RIMS1: variants seen among roughly 807,000 people sequenced by gnomAD.
RIMS1 encodes the protein regulating synaptic membrane exocytosis 1, also known as regulating synaptic membrane exocytosis protein 1.
RIMS1 carries 83 observed loss-of-function variants against 214.1 expected under a neutral mutation model. The observed-to-expected ratio is 0.39, with a 90% CI of 0.32 to 0.47. The LOEUF is 0.47. RIMS1 is among the 20% of genes least tolerant of loss of function. The probability of loss-of-function intolerance (pLI) is 0.99; values close to 1 mark genes in which losing one functional copy is unlikely to be tolerated. For synonymous variants in RIMS1, 793 were observed against 786.8 expected, an observed-to-expected ratio of 1.01 and a Z score of -0.13; for missense variants, 2,050 against 2,161.8, an observed-to-expected ratio of 0.95 and a Z score of 1.03.
intron 29 of RIMS1, among the ~76,000 whole-genome samples, chr6:72,374,801 A>G (rs576550047): frequency 6.6e-6 from 1 of 152,334 alleles, no homozygotes; most frequent in East Asian, 1.9e-4. Context: ...ATATAATGAA[A>G]TAATTATACA....
chr6:72,254,459 A>T (rs1018383721), intron 16 of RIMS1, among the ~76,000 whole-genome samples: 1 of 152,176 alleles, frequency 6.6e-6, no homozygotes. Context: ...TTCATTTGGG[A>T]TATTCAAATA....
intron 1 of RIMS1, among the ~76,000 whole-genome samples, chr6:71,905,640 T>A (rs952377285): frequency 6.6e-6 from 1 of 152,240 alleles, no homozygotes; most frequent in East Asian, 1.9e-4. Flanking sequence ...TTAAAAAAAA[T>A]TAACTTGTTG....
chr6:72,250,426 C>A lies in RIMS1; in HGVS notation c.2338C>A (p.Pro780Thr). 1.2e-6 allele frequency: 2 copies of A among 1,601,962 alleles called. No homozygotes were observed. Among genetic ancestry groups the A allele is most frequent in the Non-Finnish European group, 1.7e-6 (2 of 1,172,054 alleles). Reference protein sequence around the residue: ...PARVDGRPRNPYVKMYFLPDR... With the variant: ...PARVDGRPRNTYVKMYFLPDR... ...TAGAGTAGATGGACGTCCTCGAAATCCCTATGTAAAAATGTATTTTCTTCC... is the reference window on the plus strand; with the variant it reads ...TAGAGTAGATGGACGTCCTCGAAATACCTATGTAAAAATGTATTTTCTTCC... The change falls in exon 13 of 34, where the codon CCC (proline) becomes ACC (threonine). Residue 780 changes from proline to threonine, a missense_variant. Around this residue, in one of 6 missense-constraint regions of RIMS1, gnomAD observed 889 missense variants for 885.5 expected, o/e 1.00. Coordinates refer to ENST00000521978, the MANE Select transcript of RIMS1 (RefSeq NM_014989.7).
chr6:72,229,967 TA>T (rs1057381495), intron 6 of RIMS1, among the ~76,000 whole-genome samples: 2 of 151,780 alleles, frequency 1.3e-5, no homozygotes, highest in African/African-American at 4.8e-5. Context: ...ATGCAGTGCA[TA>T]AAAACATTCA....
intron 28 of RIMS1, among the ~76,000 whole-genome samples, chr6:72,320,200 A>G (rs1447217758): frequency 2.0e-5 from 3 of 152,150 alleles, no homozygotes. Flanking sequence ...ATGCCCATGG[A>G]CTGTTGGTGT....
chr6:72,221,003 A>G (rs749424445), intron 6 of RIMS1, among the ~76,000 whole-genome samples: 1 of 152,114 alleles, frequency 6.6e-6, no homozygotes, highest in Non-Finnish European at 1.5e-5. Context: ...TAAAACATCT[A>G]TTTAATCTGA....
chr6:72,292,648 A>G (rs1192794940), intron 26 of RIMS1, among the ~76,000 whole-genome samples: 8 of 152,234 alleles, frequency 5.3e-5, no homozygotes, highest in South Asian at 2.1e-4. Flanking sequence ...TAGAAACTAA[A>G]TTTTCTAAAC....
chr6:72,226,327 A>T (rs1329767093), intron 6 of RIMS1, among the ~76,000 whole-genome samples: 1 of 152,100 alleles, frequency 6.6e-6, no homozygotes, highest in Admixed American at 6.6e-5. Flanking sequence ...ATATAAATGT[A>T]CATAACTTTT....
At chr6:72,023,919 A>T (rs950535765) in intron 2 of RIMS1, among the ~76,000 whole-genome samples, 2 of 152,184 alleles carry the variant, frequency 1.3e-5, no homozygotes, top group Admixed American at 6.5e-5. Flanking sequence ...CAGACACTAT[A>T]CTGAAAATTT....
chr6:72,066,625 A>C (rs1025134820), intron 2 of RIMS1, among the ~76,000 whole-genome samples: 8 of 152,218 alleles, frequency 5.3e-5, no homozygotes, highest in Non-Finnish European at 1.2e-4. Context: ...AAACTGAGAT[A>C]ATAATAGTTT....
intron 9 of RIMS1, among the ~76,000 whole-genome samples, chr6:72,240,635 T>A (rs1352903321): frequency 6.8e-6 from 1 of 146,054 alleles, no homozygotes; most frequent in East Asian, 2.0e-4. Context: ...TTTTTCTTTT[T>A]TTTTTTTTTT....
rs71731452 is a variant in RIMS1 at position 71,951,478 on chromosome 6, CT to C, written c.165-17490del. The stretch of plus-strand genomic sequence containing the variant: ...GACCATTTTTTCCACTTTTCTTTTT[CT>C]TTTTTTTTTTTTTTGTGTGTGTGTG... On this transcript the variant is annotated intron_variant, in intron 1 of 33. Transcript: ENST00000521978. Among the ~76,000 whole-genome samples, 144 of 128,828 alleles carry C rather than the reference CT, an allele frequency of 1.1e-3. 1 individual carries two copies. Among genetic ancestry groups the C allele is most frequent in the Middle Eastern group, 3.9e-3 (1 of 254 alleles). The allele number at this position is 128,828 out of a possible 152,430, so 84.5% of individuals were successfully genotyped here.
chr6:72,249,889 A>G (rs940131243), intron 12 of RIMS1, among the ~76,000 whole-genome samples: 1 of 152,132 alleles, frequency 6.6e-6, no homozygotes. Context: ...TCTTATTCCT[A>G]ATATCCAAAC....
intron 4 of RIMS1, among the ~76,000 whole-genome samples, chr6:72,137,000 A>G (rs902945751): frequency 6.6e-6 from 1 of 152,072 alleles, no homozygotes. Flanking sequence ...TTTAGTTAAT[A>G]TAATAAGGCA....
intron 28 of RIMS1, among the ~76,000 whole-genome samples, chr6:72,315,383 T>G (rs1194447492): frequency 6.6e-6 from 1 of 152,224 alleles, no homozygotes; most frequent in Admixed American, 6.5e-5. Flanking sequence ...CTTTCCCTTC[T>G]TTGTAGTTTA....
At chr6:72,341,943 G>T (rs953898705) in intron 29 of RIMS1, among the ~76,000 whole-genome samples, 3 of 151,732 alleles carry the variant, frequency 2.0e-5, no homozygotes, top group African/African-American at 7.3e-5. Flanking sequence ...GGAAAATATT[G>T]CAGGACTCTT....
At position 72,390,749 on chromosome 6, in the gene RIMS1, A is replaced by C; in HGVS notation, c.4505+13A>C. 6.2e-7 allele frequency: 1 copy of C among 1,613,384 alleles called. No homozygotes were observed. The highest frequency in any genetic ancestry group is 1.3e-5 in the African/African-American group (1 of 75,050). On this transcript the variant is annotated intron_variant, in intron 30 of 33. Coordinates refer to ENST00000521978, the MANE Select transcript of RIMS1 (RefSeq NM_014989.7). ...GCTCTGAGGGCAAGTAAGTGCTGTCAGCACGTCTGCATGGCTGTGGAACCA... is the reference window on the plus strand; with the variant it reads ...GCTCTGAGGGCAAGTAAGTGCTGTCCGCACGTCTGCATGGCTGTGGAACCA...
chr6:72,124,340 C>T (rs2039067540), intron 4 of RIMS1, among the ~76,000 whole-genome samples: 5 of 151,894 alleles, frequency 3.3e-5, no homozygotes, highest in Non-Finnish European at 7.4e-5. Flanking sequence ...GCTGAGAGAT[C>T]CACTGTTAGT....
Position 71,924,365 on chromosome 6 carries a change from T to G in RIMS1, c.164+37178T>G, listed in dbSNP as rs377287331. ...CTTGGTAATATCATCTGCAGGGACT[T>G]ACCCTCAGGTTAGTTCCAGTAAAGG... On this transcript the variant is annotated intron_variant, in intron 1 of 33. Transcript: ENST00000521978. Among the ~76,000 whole-genome samples, 441 of 152,258 alleles carry G rather than the reference T, an allele frequency of 2.9e-3. 5 individuals carry two copies. The South Asian group carries it at 0.038, about 13-fold the overall frequency.
Sources: allele counts gnomAD v4.1 joint callset (sites outside exome capture counted in the v4.1 genomes callset), GRCh38; gene constraint gnomAD v4.1.1; regional missense constraint gnomAD v4.1.1; transcripts MANE v1.5; gene names NCBI Gene and HGNC (gene_info 2026-07-23, HGNC 2026-07-21).